The following PCDH12 variants were observed in gnomAD, a reference collection of about 807,000 sequenced individuals.
PCDH12 encodes protocadherin-12.
PCDH12 carries 45 observed loss-of-function variants against 70.9 expected under a neutral mutation model. The observed-to-expected ratio is 0.63, with a 90% confidence interval of 0.50 to 0.81. The LOEUF (loss-of-function observed/expected upper bound fraction) is 0.81, where lower values mean the gene tolerates loss of function less well. Among genes scored for constraint, PCDH12 ranks in the 40% least tolerant of loss-of-function variants. The probability of loss-of-function intolerance (pLI) is 0.00; values close to 1 mark genes in which losing one functional copy is unlikely to be tolerated. For missense variants in PCDH12, 1,370 were observed against 1,491.7 expected (o/e 0.92, Z 1.34); for synonymous variants, 567 against 626.0 (o/e 0.91, Z 1.41).
At position 141,955,082 on chromosome 5, in the gene PCDH12, TC is replaced by T; in HGVS notation, c.2769del (p.Glu925AsnfsTer103). ...AGGATCTGACGGGGCCCTGATTCTTTCTCAGGGGACACTTTGCCATTGAGAT... is the reference window on the plus strand; with the variant it reads ...AGGATCTGACGGGGCCCTGATTCTTTTCAGGGGACACTTTGCCATTGAGAT... ...QRHLNGKVSPEKESGPRQILR... is the reference protein window; with the variant it reads ...QRHLNGKVSPXKESGPRQILR... On this transcript the variant is annotated frameshift_variant, in exon 1 of 4. Coordinates refer to ENST00000231484, the MANE Select transcript of PCDH12 (RefSeq NM_016580.4). LOFTEE classifies it high-confidence loss of function. This position sits in a 1 kb window ranked among gnomAD's most constrained non-coding sequence, Gnocchi z 5.5. 6.2e-7 allele frequency: 1 copy of T among 1,614,180 alleles called. No homozygotes were observed. The highest frequency in any genetic ancestry group is 8.5e-7 in the Non-Finnish European group (1 of 1,180,026).
rs564534781 is a variant in PCDH12, at chr5:141,943,738, C to G, written c.*1643G>C. 6 of 152,260 alleles carry G rather than the reference C, an allele frequency of 3.9e-5. No homozygotes were observed. The highest frequency in any genetic ancestry group is 1.4e-4 in the African/African-American group (6 of 41,534). The allele number at this position is 152,260 out of a possible 1,614,324, so 9.4% of individuals were successfully genotyped here. On this transcript the variant is annotated 3_prime_UTR_variant, in exon 4 of 4. Transcript: ENST00000231484. ...GATATCCCCCAGTTTCTCTCACTGGCCCACAGAACCCAACAGTTCTGTGAT... is the reference window on the plus strand; with the variant it reads ...GATATCCCCCAGTTTCTCTCACTGGGCCACAGAACCCAACAGTTCTGTGAT...
At chr5:141,948,367 T>C (rs1047701753) in intron 3 of PCDH12, among the ~76,000 whole-genome samples, 14 of 152,224 alleles carry the variant, frequency 9.2e-5, no homozygotes, top group African/African-American at 3.4e-4. Context: ...TCAGTGTGTC[T>C]GCAGCCAGAT....
intron 2 of PCDH12, 51 bp downstream of exon 2, chr5:141,951,442 G>T: frequency 7.4e-7 from 1 of 1,358,476 alleles, no homozygotes; most frequent in Non-Finnish European, 1.1e-6. Context: ...CAGTGATGAG[G>T]GGCGGCCAGT....
rs869129076 is a variant in PCDH12 at position 141,945,400 on chromosome 5, C to CTGCTGCTGT, written c.3535_3536insACAGCAGCA (p.Ser1178_Ser1179insAsnSerSer). The CTGCTGCTGT allele has an allele frequency of 6.2e-7, 1 of 1,612,534 alleles. No individual in the cohort carries two copies. The highest frequency in any genetic ancestry group is 8.5e-7 in the Non-Finnish European group (1 of 1,179,326). On this transcript the variant is annotated inframe_insertion, in exon 4 of 4. Coordinates refer to ENST00000231484, the MANE Select transcript of PCDH12 (RefSeq NM_016580.4). The stretch of plus-strand genomic sequence containing the variant: ...GTATGTTCACAGGCACCTGCTGCTG[C>CTGCTGCTGT]TGCTGCTGCCTCTGCTCTTGCCCTC...
intron 3 of PCDH12, 131 bp downstream of exon 3, chr5:141,949,301 G>T (rs1753024729): frequency 6.7e-7 from 1 of 1,489,300 alleles, no homozygotes; most frequent in Admixed American, 2.3e-5. Flanking sequence ...GGGTGCAAGG[G>T]AAGTTAAATG....
rs141387550 is a variant in PCDH12, at chr5:141,945,670, G to A, written c.3266C>T (p.Thr1089Met). 56 of 1,614,080 alleles carry A rather than the reference G, an allele frequency of 3.5e-5. No homozygotes were observed. The highest frequency in any genetic ancestry group is 1.3e-4 in the East Asian group (6 of 44,900). The change falls in exon 4 of 4, where the codon ACG becomes ATG. Residue 1089 changes from threonine to methionine, a missense_variant. Physicochemically the swap from Thr to Met is moderately conservative, Grantham distance 81. Transcript: ENST00000231484. The part of the protein sequence containing the change: ...AATEEPRTFQ[T>M]FGKAEAPELS... Reference sequence around the variant, plus strand: ...CTCTGGTGCCTCTGCCTTGCCGAACGTCTGGAAGGTCCTTGGCTCCTCCGT... The same window carrying A: ...CTCTGGTGCCTCTGCCTTGCCGAACATCTGGAAGGTCCTTGGCTCCTCCGT...
intron 3 of PCDH12, 72 bp downstream of exon 3, chr5:141,949,360 T>C (rs1396373152): frequency 1.3e-6 from 2 of 1,514,154 alleles, no homozygotes; most frequent in South Asian, 2.7e-5. Flanking sequence ...CTGCAGTGGA[T>C]TGGAGCAGAA....
Position 141,957,973 on chromosome 5 carries a change from C to A in PCDH12, c.-122G>T. On this transcript the variant is annotated 5_prime_UTR_variant, in exon 1 of 4. Transcript: ENST00000231484. This position sits in a 1 kb window ranked among gnomAD's most constrained non-coding sequence, Gnocchi z 4.3. Reference sequence around the variant, plus strand: ...GCTCCTTCCCCCAGAGCTGCCGGCACAACCTTGTCCCATAGTTAGATGATT... The same window carrying A: ...GCTCCTTCCCCCAGAGCTGCCGGCAAAACCTTGTCCCATAGTTAGATGATT... 2 of 1,115,086 alleles carry A rather than the reference C, an allele frequency of 1.8e-6. No homozygotes were observed. The highest frequency in any genetic ancestry group is 2.5e-6 in the Non-Finnish European group (2 of 792,076). 69.1% of individuals were successfully genotyped at this position (1,115,086 alleles called of 1,614,324 possible).
In PCDH12 at chr5:141,957,676, C is replaced by T. The variant is rs1167791258; in HGVS notation, c.176G>A (p.Arg59Gln). The T allele has an allele frequency of 3.1e-6, 5 of 1,614,182 alleles. No homozygotes were observed. The highest frequency in any genetic ancestry group is 1.1e-5 in the South Asian group (1 of 91,084). The change falls in exon 1 of 4, where the codon CGG becomes CAG. Residue 59 changes from arginine (R) to glutamine (Q), a missense_variant. By Grantham distance (43) the Arg-to-Gln change is conservative. Coordinates refer to ENST00000231484, the MANE Select transcript of PCDH12 (RefSeq NM_016580.4). The surrounding 1 kb of genome is among the most constrained non-coding windows in gnomAD (Gnocchi z 4.3). ...LSQELGREER[R>Q]RQAGAAFQVL... ...CTGGAAGGCAGCCCCAGCTTGCCTC[C>T]GCCTCTCCTCCCGGCCCAGTTCCTG...
chr5:141,949,993 A>G (rs7737082), intron 2 of PCDH12, among the ~76,000 whole-genome samples: 4,551 of 152,312 alleles, frequency 0.03, 226 homozygotes, highest in African/African-American at 0.1. Context: ...GCAGCCGTCC[A>G]TCCGTCCGTA....
intron 2 of PCDH12, 148 bp from the exon 3 acceptor site, chr5:141,949,731 AT>A (rs1753037851): frequency 1.3e-6 from 1 of 794,426 alleles, no homozygotes; most frequent in Non-Finnish European, 1.9e-6. Flanking sequence ...GGATCATGTG[AT>A]TCCCGCCCTC....
Position 141,945,403 on chromosome 5 carries a change from C to A in PCDH12, c.3533G>T (p.Ser1178Ile). The change falls in exon 4 of 4, where the codon AGC becomes ATC. Residue 1178 changes from serine to isoleucine, a missense_variant. Physicochemically the swap from Ser to Ile is moderately radical, Grantham distance 142 (BLOSUM62 -2). Coordinates refer to ENST00000231484, the MANE Select transcript of PCDH12 (RefSeq NM_016580.4). ...TGTEGKSRGS[S>I]SSSRCL The stretch of plus-strand genomic sequence containing the variant: ...TGTTCACAGGCACCTGCTGCTGCTG[C>A]TGCTGCCTCTGCTCTTGCCCTCAGT... 6.2e-7 allele frequency: 1 copy of A among 1,612,914 alleles called. No homozygotes were observed.
At chr5:141,947,300 A>G (rs563027975) in intron 3 of PCDH12, among the ~76,000 whole-genome samples, 76 of 152,382 alleles carry the variant, frequency 5.0e-4, no homozygotes, top group African/African-American at 1.8e-3. Context: ...ATTAACCTTC[A>G]ACATTTGGGA....
Position 141,956,489 on chromosome 5 carries a change from C to T in PCDH12, c.1363G>A (p.Asp455Asn), listed in dbSNP as rs369744444. 26 of 1,614,074 alleles carry T rather than the reference C, an allele frequency of 1.6e-5. No individual in the cohort carries two copies. Among genetic ancestry groups the T allele is most frequent in the Non-Finnish European group, 2.1e-5 (25 of 1,180,038 alleles). Residue 455 changes from aspartate (D) to asparagine (N), a missense_variant, in exon 1 of 4, where the codon GAC becomes AAC. Physicochemically the swap from Asp to Asn is conservative, Grantham distance 23 (BLOSUM62 1). Transcript: ENST00000231484. ...QLSIQISDINDNAPVFEKSRY... is the reference protein window; with the variant it reads ...QLSIQISDINNNAPVFEKSRY... ...CTTTTCTCAAACACAGGTGCATTGT[C>T]GTTGATGTCACTGATCTGAATGCTG...
chr5:141,945,673 T>A lies in PCDH12; in HGVS notation c.3263A>T (p.Gln1088Leu), dbSNP rs909330597. 2.5e-6 allele frequency: 4 copies of A among 1,614,184 alleles called. No homozygotes were observed. In the Admixed American group the frequency reaches 6.7e-5, roughly 27 times the overall value. The change falls in exon 4 of 4, where the codon CAG becomes CTG. Residue 1088 changes from glutamine (Q) to leucine (L), a missense_variant. Coordinates refer to ENST00000231484, the MANE Select transcript of PCDH12 (RefSeq NM_016580.4). ...TGGTGCCTCTGCCTTGCCGAACGTCTGGAAGGTCCTTGGCTCCTCCGTGGC... is the reference window on the plus strand; with the variant it reads ...TGGTGCCTCTGCCTTGCCGAACGTCAGGAAGGTCCTTGGCTCCTCCGTGGC... ...AAATEEPRTF[Q>L]TFGKAEAPEL...
rs1347140014 is a variant in PCDH12 at position 141,951,545 on chromosome 5, G to T, written c.2926C>A (p.Pro976Thr). The T allele has an allele frequency of 5.0e-6, 8 of 1,614,170 alleles. No homozygotes were observed. Among genetic ancestry groups the T allele is most frequent in the Non-Finnish European group, 3.4e-6 (4 of 1,180,030 alleles). The change falls in exon 2 of 4, where the codon CCC becomes ACC. Residue 976 changes from proline to threonine, a missense_variant. Pro to Thr is a conservative substitution (Grantham distance 38). Transcript: ENST00000231484. Reference protein sequence around the residue: ...LSLLHQGQFQPKPNHRGNKYL... With the variant: ...LSLLHQGQFQTKPNHRGNKYL... Reference sequence around the variant, plus strand: ...TTATTTCCTCGGTGGTTTGGTTTGGGCTGGAATTGGCCCTGATGCAGCAAG... The same window carrying T: ...TTATTTCCTCGGTGGTTTGGTTTGGTCTGGAATTGGCCCTGATGCAGCAAG...
intron 3 of PCDH12, among the ~76,000 whole-genome samples, chr5:141,946,065 T>C (rs1230442810): frequency 1.3e-5 from 2 of 152,010 alleles, no homozygotes; most frequent in African/African-American, 2.4e-5. Context: ...GAAGTAGAAA[T>C]TTGCCGATTT....
intron 3 of PCDH12, among the ~76,000 whole-genome samples, chr5:141,948,145 TTAA>T (rs1310884874): frequency 6.6e-6 from 1 of 152,176 alleles, no homozygotes; most frequent in Admixed American, 6.5e-5. Context: ...ACTGCCTGTG[TTAA>T]TAACCATCCA....
rs970418614 is a variant in PCDH12, at chr5:141,957,232, T to C, written c.620A>G (p.His207Arg). The C allele has an allele frequency of 8.7e-6, 14 of 1,614,168 alleles. No homozygotes were observed. Among genetic ancestry groups the C allele is most frequent in the African/African-American group, 5.3e-5 (4 of 75,052 alleles). Residue 207 changes from histidine (H) to arginine (R), a missense_variant, in exon 1 of 4, where the codon CAT becomes CGT. By Grantham distance (29) the His-to-Arg change is conservative. Coordinates refer to ENST00000231484, the MANE Select transcript of PCDH12 (RefSeq NM_016580.4). The surrounding 1 kb of genome is among the most constrained non-coding windows in gnomAD (Gnocchi z 4.3). The part of the protein sequence containing the change: ...IVVKELDREI[H>R]SFFDLVLTAY... ...AGTTAACACCAGATCAAAAAATGAA[T>C]GGATTTCCCTGTCCAGCTCCTTCAC...
Sources: gnomAD v4.1 joint callset for allele counts (sites outside exome capture counted in the v4.1 genomes callset) on GRCh38, gnomAD v4.1.1 for gene constraint, Gnocchi (gnomAD v3.1) non-coding constraint, MANE v1.5 for transcripts, NCBI Gene and HGNC (gene_info 2026-07-23, HGNC 2026-07-21) for gene names.